Variants in GRID2 observed in about 807,000 individuals in gnomAD.
GRID2 encodes the protein glutamate receptor ionotropic, delta-2.
In GRID2, 33 loss-of-function variants were observed where a neutral mutation model predicts 114.8. That is an observed-to-expected ratio of 0.29 (90% CI 0.22 to 0.38). The LOEUF is 0.38. GRID2 is among the 10% of genes least tolerant of loss of function. The pLI, the probability that GRID2 is intolerant of heterozygous loss-of-function variation, is 1.00. For missense variants in GRID2, 1,184 were observed against 1,257.7 expected, an observed-to-expected ratio of 0.94 and a Z score of 0.89; for synonymous variants, 505 against 449.9, an observed-to-expected ratio of 1.12 and a Z score of -1.55.
chr4:92,950,119 C>T (rs928932377), intron 2 of GRID2, among the ~76,000 whole-genome samples: 4 of 152,140 alleles, frequency 2.6e-5, no homozygotes, highest in South Asian at 2.1e-4. Context: ...CAGCTACACA[C>T]GTTTGGGGAA....
intron 2 of GRID2, among the ~76,000 whole-genome samples, chr4:92,921,556 C>A (rs966701343): frequency 3.3e-5 from 5 of 152,124 alleles, no homozygotes; most frequent in African/African-American, 1.2e-4. Context: ...TGTTAGTGTT[C>A]CTTCTAACAG....
chr4:93,703,944 C>T (rs1387976266), intron 14 of GRID2, among the ~76,000 whole-genome samples: 8 of 151,898 alleles, frequency 5.3e-5, no homozygotes, highest in Admixed American at 2.0e-4. Flanking sequence ...TGAATAGTGC[C>T]GTGATAAACA....
chr4:92,360,626 C>T (rs1319709792), intron 1 of GRID2, among the ~76,000 whole-genome samples: 1 of 151,956 alleles, frequency 6.6e-6, no homozygotes, highest in Non-Finnish European at 1.5e-5. Context: ...CATTGTTCAA[C>T]GGTATCATGG....
At chr4:93,522,299 A>G (rs1730416299) in intron 13 of GRID2, among the ~76,000 whole-genome samples, 1 of 152,174 alleles carries the variant, frequency 6.6e-6, no homozygotes, top group Non-Finnish European at 1.5e-5. Flanking sequence ...GAAAGAGAAA[A>G]TAGGAATGGC....
intron 14 of GRID2, among the ~76,000 whole-genome samples, chr4:93,687,612 A>G (rs77466453): frequency 0.041 from 6,253 of 152,138 alleles, 196 homozygotes; most frequent in African/African-American, 0.081. Context: ...GATTTAACAA[A>G]TAAGATTTAG....
At chr4:93,126,584 C>CTTTTTTTTTTTTTTTTTTTT (rs60017147) in intron 4 of GRID2, among the ~76,000 whole-genome samples, 2 of 52,734 alleles carry the variant, frequency 3.8e-5, no homozygotes, top group South Asian at 8.2e-4. Context: ...CTATTTAATT[C>CTTTTTTTTTTTTTTTTTTTT]TTTTTTTTTT....
intron 14 of GRID2, among the ~76,000 whole-genome samples, chr4:93,740,814 G>A (rs1029231247): frequency 1.3e-5 from 2 of 151,494 alleles, no homozygotes; most frequent in Non-Finnish European, 2.9e-5. Context: ...GTCTACTTGG[G>A]GGGGCAAGGA....
At chr4:93,220,142 A>G (rs1744705147) in intron 6 of GRID2, among the ~76,000 whole-genome samples, 1 of 152,168 alleles carries the variant, frequency 6.6e-6, no homozygotes, top group African/African-American at 2.4e-5. Flanking sequence ...TATGTAGATA[A>G]ACTGTAGAAT....
chr4:93,625,522 A>T (rs1006259980), intron 13 of GRID2, among the ~76,000 whole-genome samples: 2 of 152,256 alleles, frequency 1.3e-5, no homozygotes, highest in African/African-American at 4.8e-5. Flanking sequence ...TCTGCCCTCC[A>T]TATCTGCAGG....
intron 1 of GRID2, among the ~76,000 whole-genome samples, chr4:92,585,950 G>C (rs1005064840): frequency 1.3e-5 from 2 of 151,492 alleles, no homozygotes; most frequent in Admixed American, 6.6e-5. Flanking sequence ...TTTAGGTTTA[G>C]GTGTAACTTA....
At chr4:92,772,737 C>T (rs987834549) in intron 2 of GRID2, among the ~76,000 whole-genome samples, 2 of 152,134 alleles carry the variant, frequency 1.3e-5, no homozygotes, top group African/African-American at 4.8e-5. Flanking sequence ...ACTCCATTTT[C>T]CCACATTTTG....
intron 1 of GRID2, among the ~76,000 whole-genome samples, chr4:92,318,088 C>A (rs1314916930): frequency 6.6e-6 from 1 of 151,580 alleles, no homozygotes; most frequent in Non-Finnish European, 1.5e-5. Context: ...ATATTATAGA[C>A]CATGAAGAGG....
intron 14 of GRID2, among the ~76,000 whole-genome samples, chr4:93,694,582 A>G (rs1224058193): frequency 6.6e-6 from 1 of 152,128 alleles, no homozygotes; most frequent in East Asian, 1.9e-4. Flanking sequence ...TAAAATACAA[A>G]CATCTTGCCA....
chr4:92,398,646 T>C (rs1730626650), intron 1 of GRID2, among the ~76,000 whole-genome samples: 1 of 152,186 alleles, frequency 6.6e-6, no homozygotes, highest in South Asian at 2.1e-4. Flanking sequence ...TTGTGTTTCC[T>C]TGTACATTCA....
chr4:92,722,247 G>A (rs142280211), intron 2 of GRID2, among the ~76,000 whole-genome samples: 81 of 152,254 alleles, frequency 5.3e-4, no homozygotes, highest in African/African-American at 1.9e-3. Context: ...CTGATGGCCA[G>A]CCATCATGGA....
rs1205096650 is a variant in GRID2 at position 93,371,741 on chromosome 4, CTTTTTTT to C, written c.1246-23849_1246-23843del. On this transcript the variant is annotated intron_variant, in intron 8 of 15. Transcript: ENST00000282020. ...ATTGGTATATACATAATCACTATTT[CTTTTTTT>C]TTTTTTTTTTTTTTTTGGAGATGGA... 1.0e-3 allele frequency among the ~76,000 whole-genome samples: 94 copies of C among 89,802 alleles called. 1 individual carries two copies. Among genetic ancestry groups the C allele is most frequent in the South Asian group, 5.7e-3 (14 of 2,450 alleles). 58.9% of individuals were successfully genotyped at this position (89,802 alleles called of 152,430 possible).
At chr4:92,397,253 GA>G (rs1460574857) in intron 1 of GRID2, among the ~76,000 whole-genome samples, 1 of 151,288 alleles carries the variant, frequency 6.6e-6, no homozygotes, top group African/African-American at 2.4e-5. Flanking sequence ...TATCATGTAG[GA>G]TTTTTTTTAG....
intron 4 of GRID2, among the ~76,000 whole-genome samples, chr4:93,154,750 A>T (rs1737023656): frequency 6.6e-6 from 1 of 151,620 alleles, no homozygotes; most frequent in Non-Finnish European, 1.5e-5. Flanking sequence ...AAAAACAAAA[A>T]CAAAAACAAA....
intron 2 of GRID2, among the ~76,000 whole-genome samples, chr4:92,931,088 T>C (rs1297808127): frequency 6.9e-6 from 1 of 145,772 alleles, no homozygotes; most frequent in Non-Finnish European, 1.5e-5. Flanking sequence ...TTTTTACCAC[T>C]ACAAACATAG....
Sources: gnomAD v4.1 joint callset for allele counts (sites outside exome capture counted in the v4.1 genomes callset) on GRCh38, gnomAD v4.1.1 for gene constraint, MANE v1.5 for transcripts, NCBI Gene and HGNC (gene_info 2026-07-23, HGNC 2026-07-21) for gene names.